The following SSX2IP variants were observed in gnomAD, a reference collection of about 807,000 sequenced individuals.
The protein encoded by SSX2IP is SSX family member 2 interacting protein, also known as afadin- and alpha-actinin-binding protein.
In SSX2IP, 55 loss-of-function variants were observed where a neutral mutation model predicts 84.9. The observed-to-expected ratio is 0.65, with a 90% CI of 0.52 to 0.81. The LOEUF is 0.81. Among genes scored for constraint, SSX2IP ranks in the 30% least tolerant of loss-of-function variants. SSX2IP has a pLI of 0.00. For missense variants in SSX2IP, 664 were observed against 705.2 expected (o/e 0.94, Z 0.66); for synonymous variants, 239 against 234.7 (o/e 1.02, Z -0.17).
In SSX2IP at chr1:84,658,460, G is replaced by A. The variant is rs760920517; in HGVS notation, c.936C>T (p.Ser312=). ...RVDDSTGTVI[S]DVEEDAGELS... is the part of the protein sequence containing the mutation. ...GTTCCCCGGCATCTTCTTCAACATC[G>A]GAAATAACCTACAAGCGGAGAGAGA... Residue 312 remains serine (S), a synonymous_variant, in exon 9 of 14, where the codon TCC becomes TCT. Transcript: ENST00000342203. The A allele has an allele frequency of 6.8e-5, 110 of 1,613,564 alleles. No homozygotes were observed. The highest frequency in any genetic ancestry group is 1.2e-4 in the Admixed American group (7 of 59,950).
intron 8 of SSX2IP, among the ~76,000 whole-genome samples, chr1:84,660,594 C>T (rs1322777927): frequency 1.3e-5 from 2 of 152,144 alleles, no homozygotes; most frequent in South Asian, 2.1e-4. Context: ...GGAGAAACCC[C>T]GTCTCTACTA....
intron 1 of SSX2IP, among the ~76,000 whole-genome samples, chr1:84,685,277 C>T (rs1655625470): frequency 6.6e-6 from 1 of 152,222 alleles, no homozygotes; most frequent in Non-Finnish European, 1.5e-5. Context: ...CAATGACCCT[C>T]TTCCTTTAAA....
intron 1 of SSX2IP, among the ~76,000 whole-genome samples, chr1:84,687,193 T>G (rs1426349378): frequency 1.3e-5 from 2 of 152,150 alleles, no homozygotes; most frequent in Non-Finnish European, 2.9e-5. Context: ...ATCACATAGC[T>G]AGTAGTGTGG....
intron 1 of SSX2IP, among the ~76,000 whole-genome samples, chr1:84,681,248 T>G (rs189984736): frequency 1.2e-4 from 19 of 152,326 alleles, no homozygotes; most frequent in African/African-American, 4.3e-4. Flanking sequence ...TTGAGGACAT[T>G]GTTGAATTGC....
intron 8 of SSX2IP, among the ~76,000 whole-genome samples, chr1:84,660,272 C>G (rs1046937883): frequency 1.9e-4 from 29 of 152,118 alleles, no homozygotes; most frequent in Middle Eastern, 3.2e-3. Flanking sequence ...AAGAATTATA[C>G]AGGATACTAC....
At chr1:84,670,546 A>G in intron 3 of SSX2IP, 100 bp downstream of exon 3, 1 of 845,386 alleles carries the variant, frequency 1.2e-6, no homozygotes, top group South Asian at 2.3e-5. Context: ...GGCACTACAT[A>G]AACAACAAAC....
At chr1:84,677,284 C>T (rs996249577) in intron 1 of SSX2IP, among the ~76,000 whole-genome samples, 10 of 152,174 alleles carry the variant, frequency 6.6e-5, no homozygotes, top group African/African-American at 1.9e-4. Context: ...CTTGTTTATA[C>T]TTCTCTATCG....
intron 1 of SSX2IP, among the ~76,000 whole-genome samples, chr1:84,683,217 T>C (rs551600338): frequency 6.6e-6 from 1 of 152,116 alleles, no homozygotes; most frequent in East Asian, 1.9e-4. Flanking sequence ...TATCAATCCG[T>C]CATCTAGGTT....
At chr1:84,669,644 TA>T in intron 4 of SSX2IP, 36 bp downstream of exon 4, 1 of 1,497,336 alleles carries the variant, frequency 6.7e-7, no homozygotes, top group South Asian at 1.1e-5. Flanking sequence ...CTCAATTATA[TA>T]ATTATGGCAT....
chr1:84,649,848 T>C (rs996764081), intron 13 of SSX2IP: 171 of 469,434 alleles, frequency 3.6e-4, no homozygotes, highest in Non-Finnish European at 6.7e-4. Context: ...AAGAGCAACA[T>C]ATGGGTTTCC....
upstream of SSX2IP, chr1:84,690,606 A>G (rs903322904): frequency 3.3e-5 from 5 of 152,192 alleles, no homozygotes; most frequent in African/African-American, 1.2e-4. Context: ...TGGCTCCGCC[A>G]GTTGCTAGGC....
In SSX2IP at chr1:84,670,762, AAC is replaced by A; in HGVS notation, c.95_96del (p.Ser32IlefsTer29). Reference protein sequence around the residue: ...YTSETKMSPSSLYSQQVLCSS... With the variant: ...YTSETKMSPSXLYSQQVLCSS... ...GAACATAGCACTTGCTGTGAGTATA[AAC>A]TTGATGGAGACATCTTTGTTTCTGA... On this transcript the variant is annotated frameshift_variant, in exon 3 of 14. Coordinates refer to ENST00000342203, the MANE Select transcript of SSX2IP (RefSeq NM_001166293.2). LOFTEE classifies it high-confidence loss of function. 1 of 1,613,092 alleles carries A rather than the reference AAC, an allele frequency of 6.2e-7. No homozygotes were observed. Among genetic ancestry groups the A allele is most frequent in the Non-Finnish European group, 8.5e-7 (1 of 1,179,436 alleles).
At chr1:84,648,840 G>A (rs1649817018) in intron 13 of SSX2IP, among the ~76,000 whole-genome samples, 1 of 151,944 alleles carries the variant, frequency 6.6e-6, no homozygotes, top group African/African-American at 2.4e-5. Flanking sequence ...TCATCTACTG[G>A]TCTAACTTCA....
chr1:84,675,097 GT>G (rs1315418018), intron 1 of SSX2IP, among the ~76,000 whole-genome samples: 1 of 152,140 alleles, frequency 6.6e-6, no homozygotes, highest in Non-Finnish European at 1.5e-5. Context: ...AACCATATCT[GT>G]TTTGCATAAA....
At chr1:84,672,979 G>A (rs2102460556) in intron 1 of SSX2IP, among the ~76,000 whole-genome samples, 1 of 152,194 alleles carries the variant, frequency 6.6e-6, no homozygotes, top group African/African-American at 2.4e-5. Context: ...AGCTGAGATC[G>A]TGCCACTGCA....
Position 84,646,298 on chromosome 1 carries a change from CA to C in SSX2IP, c.*1134del, listed in dbSNP as rs1317997920. ...AACATACTTTTCATGAAGAAACATGCAATCAGAAACATTACAGAGACTGAAG... is the reference window on the plus strand; with the variant it reads ...AACATACTTTTCATGAAGAAACATGCATCAGAAACATTACAGAGACTGAAG... On this transcript the variant is annotated 3_prime_UTR_variant, in exon 14 of 14. Coordinates refer to ENST00000342203, the MANE Select transcript of SSX2IP (RefSeq NM_001166293.2). 9.2e-5 allele frequency: 14 copies of C among 152,504 alleles called. No homozygotes were observed. The allele number at this position is 152,504 out of a possible 1,614,324, so 9.4% of individuals were successfully genotyped here. A position where few individuals can be genotyped will look rare whatever the true frequency, so the allele number is the denominator to read the frequency against.
intron 3 of SSX2IP, 79 bp from the exon 4 acceptor site, chr1:84,669,972 T>C (rs1286294531): frequency 5.0e-6 from 5 of 993,760 alleles, no homozygotes; most frequent in Admixed American, 4.6e-5. Context: ...TTCAGTTAGA[T>C]AGGAAGAATA....
chr1:84,658,865 C>T (rs1570604681), intron 8 of SSX2IP, among the ~76,000 whole-genome samples: 1 of 152,334 alleles, frequency 6.6e-6, no homozygotes, highest in African/African-American at 2.4e-5. Flanking sequence ...CAACTTGTTT[C>T]TAATCCTAGG....
chr1:84,671,064 T>C (rs902014969), intron 2 of SSX2IP, 113 bp downstream of exon 2: 1 of 1,277,912 alleles, frequency 7.8e-7, no homozygotes. Context: ...TTTACAACGA[T>C]TTGTCTCTCT....
Sources: gnomAD v4.1 joint callset for allele counts (sites outside exome capture counted in the v4.1 genomes callset) on GRCh38, gnomAD v4.1.1 for gene constraint, MANE v1.5 for transcripts, NCBI Gene and HGNC (gene_info 2026-07-23, HGNC 2026-07-21) for gene names.